Variants in ADGRB1 observed in about 807,000 individuals in gnomAD.
The protein encoded by ADGRB1 is adhesion G protein-coupled receptor B1.
ADGRB1 carries 36 observed loss-of-function variants against 175.7 expected under a neutral mutation model. That is an observed-to-expected ratio of 0.20 (90% CI 0.16 to 0.27). The LOEUF (loss-of-function observed/expected upper bound fraction) is 0.27, where lower values mean the gene tolerates loss of function less well. Ranked by LOEUF, ADGRB1 falls within the 10% of genes least tolerant of loss-of-function variation. The pLI is 1.00. For synonymous variants in ADGRB1, 1,054 were observed against 979.4 expected (o/e 1.08, Z -1.42); for missense variants, 1,731 against 2,255.3 (o/e 0.77, Z 4.71).
intron 14 of ADGRB1, among the ~76,000 whole-genome samples, 167 bp downstream of exon 14, chr8:142,488,674 C>T (rs1389078316): frequency 1.3e-5 from 2 of 152,118 alleles, no homozygotes; most frequent in Non-Finnish European, 1.5e-5. Flanking sequence ...CCAGGGCCTG[C>T]GGATCAACCC....
Position 142,543,558 on chromosome 8 carries a change from C to T in ADGRB1, c.4450-43C>T, listed in dbSNP as rs775173929. The stretch of plus-strand genomic sequence containing the variant: ...GCGGGGCAGGCAGGATGGGCCATGC[C>T]CTCCTCCTGGCCCAGGACTCACTGC... On this transcript the variant is annotated intron_variant, in intron 29 of 30. Coordinates refer to ENST00000517894, the MANE Select transcript of ADGRB1 (RefSeq NM_001702.3). This position sits in a 1 kb window ranked among gnomAD's most constrained non-coding sequence, Gnocchi z 4.4. The T allele has an allele frequency of 3.2e-6, 5 of 1,575,680 alleles. No homozygotes were observed. The South Asian group carries it at 5.7e-5, about 18-fold the overall frequency.
chr8:142,497,340 T>G (rs1224951956), intron 17 of ADGRB1, among the ~76,000 whole-genome samples: 1 of 152,102 alleles, frequency 6.6e-6, no homozygotes, highest in Non-Finnish European at 1.5e-5. Flanking sequence ...CACCCACCCC[T>G]TTCCTGGTTT....
At chr8:142,544,098 CCCCTGT>C in intron 30 of ADGRB1, 116 bp from the exon 31 acceptor site, 2 of 1,055,490 alleles carry the variant, frequency 1.9e-6, no homozygotes, top group South Asian at 3.2e-5. Flanking sequence ...TGTCCCCTGT[CCCCTGT>C]CCCCCACCTC....
rs147956232 is a variant in ADGRB1 at position 142,474,489 on chromosome 8, C to T, written c.785-985C>T. The stretch of plus-strand genomic sequence containing the variant: ...TGGGCAGGAGGCCCGAGCGGGAGGC[C>T]TGGACGCGGCAGCCCCTTCCCGGCC... On this transcript the variant is annotated intron_variant, in intron 2 of 30. Transcript: ENST00000517894. This position sits in a 1 kb window ranked among gnomAD's most constrained non-coding sequence, Gnocchi z 5.8. 4.5e-4 allele frequency among the ~76,000 whole-genome samples: 68 copies of T among 152,288 alleles called. No individual in the cohort carries two copies. The highest frequency in any genetic ancestry group is 9.4e-4 in the Non-Finnish European group (64 of 67,998).
chr8:142,526,456 C>A, intron 23 of ADGRB1, 86 bp from the exon 24 acceptor site: 1 of 1,262,440 alleles, frequency 7.9e-7, no homozygotes, highest in Admixed American at 2.0e-5. Context: ...TCGTGGTTGG[C>A]GTAGCCAGCA....
At chr8:142,533,527 C>T (rs1354412049) in intron 25 of ADGRB1, 61 bp downstream of exon 25, 3 of 1,502,802 alleles carry the variant, frequency 2.0e-6, no homozygotes, top group Non-Finnish European at 1.8e-6. Context: ...GCCGAGTGGC[C>T]TCCTCCTTCC....
At chr8:142,503,752 G>A (rs895322141) in intron 17 of ADGRB1, among the ~76,000 whole-genome samples, 3 of 152,188 alleles carry the variant, frequency 2.0e-5, no homozygotes, top group African/African-American at 7.2e-5. Flanking sequence ...GGGCCTCTGT[G>A]CCTCTGCCCA....
At position 142,493,945 on chromosome 8, in the gene ADGRB1, C is replaced by T. The variant is rs192026894; in HGVS notation, c.2675+3130C>T. 4.6e-4 allele frequency among the ~76,000 whole-genome samples: 70 copies of T among 152,256 alleles called. No individual in the cohort carries two copies. The East Asian group carries it at 0.013, about 28-fold the overall frequency. Reference sequence around the variant, plus strand: ...CCCAGTTGACCTGAAGTGGAGACCACGGGCAGGGGCCCAGGTCTGTTTCCA... The same window carrying T: ...CCCAGTTGACCTGAAGTGGAGACCATGGGCAGGGGCCCAGGTCTGTTTCCA... On this transcript the variant is annotated intron_variant, in intron 17 of 30. Transcript: ENST00000517894. This position sits in a 1 kb window ranked among gnomAD's most constrained non-coding sequence, Gnocchi z 5.0.
chr8:142,488,583 G>GGA lies in ADGRB1; in HGVS notation c.2452+78_2452+79dup, dbSNP rs1267674258. On this transcript the variant is annotated intron_variant, in intron 14 of 30. Transcript: ENST00000517894. Reference sequence around the variant, plus strand: ...AGAGTCGGACGGTCACCACCCTTCTGGAGTCTAGCTGCTGCCTCAGAGTTG... The same window carrying GGA: ...AGAGTCGGACGGTCACCACCCTTCTGGAGAGTCTAGCTGCTGCCTCAGAGTTG... The GGA allele has an allele frequency of 1.1e-5, 17 of 1,555,924 alleles. No homozygotes were observed. In the East Asian group the frequency reaches 3.9e-4, roughly 35 times the overall value.
At chr8:142,451,760 G>T (rs2131604048) in intron 1 of ADGRB1, among the ~76,000 whole-genome samples, 1 of 152,260 alleles carries the variant, frequency 6.6e-6, no homozygotes, top group African/African-American at 2.4e-5. Context: ...TATCTGGGAG[G>T]GAGGTGGTAT....
intron 22 of ADGRB1, among the ~76,000 whole-genome samples, chr8:142,523,367 C>A (rs184357574): frequency 8.9e-4 from 132 of 149,132 alleles, no homozygotes; most frequent in African/African-American, 3.1e-3. Context: ...GTGGGGAGCG[C>A]GAGGCAGGAG....
intron 1 of ADGRB1, among the ~76,000 whole-genome samples, chr8:142,452,200 C>A (rs1204706506): frequency 6.6e-6 from 1 of 152,228 alleles, no homozygotes; most frequent in East Asian, 1.9e-4. Context: ...GCGCCTCGAT[C>A]TGGGGGGCAG....
chr8:142,529,109 G>A (rs1481958121), intron 24 of ADGRB1, among the ~76,000 whole-genome samples: 1 of 152,252 alleles, frequency 6.6e-6, no homozygotes, highest in Non-Finnish European at 1.5e-5. Flanking sequence ...TCTGTGGTGG[G>A]GCGAGGAGAC....
In ADGRB1 at chr8:142,543,502, G is replaced by T; in HGVS notation, c.4449+64G>T. 2 of 1,609,016 alleles carry T rather than the reference G, an allele frequency of 1.2e-6. No homozygotes were observed. The highest frequency in any genetic ancestry group is 1.1e-5 in the South Asian group (1 of 90,290). On this transcript the variant is annotated intron_variant, in intron 29 of 30. Coordinates refer to ENST00000517894, the MANE Select transcript of ADGRB1 (RefSeq NM_001702.3). The surrounding 1 kb of genome is among the most constrained non-coding windows in gnomAD (Gnocchi z 4.4). The stretch of plus-strand genomic sequence containing the variant: ...CAGATGTGCTCTGGGCTCCCACACG[G>T]CCAGGCAGCTCCCCGGCAGCCAGGG...
intron 4 of ADGRB1, 89 bp downstream of exon 4, chr8:142,476,784 G>C (rs954178431): frequency 6.2e-6 from 8 of 1,283,608 alleles, no homozygotes; most frequent in Non-Finnish European, 8.5e-6. Flanking sequence ...GTAGTAACTT[G>C]AATAACATGC....
rs1587454217 is a variant in ADGRB1 at position 142,542,502 on chromosome 8, A to C, written c.4268A>C (p.Gln1423Pro). The part of the protein sequence containing the change: ...PPPPPPPPPP[Q>P]QPLPPPPNLE... ...CCGCCCCCACCGCCACCACCTCCCCAGCAGCCCCTGCCCCCACCGCCCAAT... is the reference window on the plus strand; with the variant it reads ...CCGCCCCCACCGCCACCACCTCCCCCGCAGCCCCTGCCCCCACCGCCCAAT... The change falls in exon 28 of 31, where the codon CAG (glutamine) becomes CCG (proline). Residue 1423 changes from glutamine to proline, a missense_variant. Physicochemically the swap from Gln to Pro is moderately conservative, Grantham distance 76 (BLOSUM62 -1). This residue lies in a region of ADGRB1 where 394 missense variants were observed against 410.2 expected (regional missense o/e 0.96). Transcript: ENST00000517894. This position sits in a 1 kb window ranked among gnomAD's most constrained non-coding sequence, Gnocchi z 6.3. 2.5e-6 allele frequency: 2 copies of C among 807,960 alleles called. No homozygotes were observed. Among genetic ancestry groups the C allele is most frequent in the South Asian group, 2.4e-5 (1 of 41,940 alleles). The allele number at this position is 807,960 out of a possible 1,614,324, so 50.0% of individuals were successfully genotyped here.
chr8:142,526,324 G>A (rs1000036960), intron 23 of ADGRB1, among the ~76,000 whole-genome samples: 6 of 152,196 alleles, frequency 3.9e-5, no homozygotes, highest in Non-Finnish European at 5.9e-5. Context: ...CCGACGGTGC[G>A]GGTGACACAC....
intron 20 of ADGRB1, 46 bp from the exon 21 acceptor site, chr8:142,521,919 G>T (rs1180277868): frequency 1.4e-5 from 22 of 1,541,868 alleles, no homozygotes; most frequent in Admixed American, 2.0e-5. Context: ...CAGGTGTGGG[G>T]CCGGGGAGCA....
chr8:142,542,913 C>T lies in ADGRB1; in HGVS notation c.4413+266C>T, dbSNP rs1024691578. Among the ~76,000 whole-genome samples the T allele has an allele frequency of 4.6e-5, 7 of 152,332 alleles. No homozygotes were observed. The highest frequency in any genetic ancestry group is 6.8e-3 in the Middle Eastern group (2 of 294). ...GACCCACGGAGCAGGACCTGCACCT[C>T]GCACAGTCGCTAGTCCAGCCCTTGG... On this transcript the variant is annotated intron_variant, in intron 28 of 30. Transcript: ENST00000517894. The surrounding 1 kb of genome is among the most constrained non-coding windows in gnomAD (Gnocchi z 6.3).
Sources: gnomAD v4.1 joint callset for allele counts (sites outside exome capture counted in the v4.1 genomes callset) on GRCh38, gnomAD v4.1.1 for gene constraint, gnomAD v4.1.1 regional missense constraint, Gnocchi (gnomAD v3.1) non-coding constraint, MANE v1.5 for transcripts, NCBI Gene and HGNC (gene_info 2026-07-23, HGNC 2026-07-21) for gene names.